The following UBAP2 variants were observed in gnomAD, a reference collection of about 807,000 sequenced individuals.
The protein encoded by UBAP2 is ubiquitin associated protein 2, also known as ubiquitin-associated protein 2.
Under a neutral mutation model 139.6 loss-of-function variants are expected in UBAP2, and 75 were observed. The observed-to-expected ratio is 0.54, with a 90% CI of 0.45 to 0.65. UBAP2 has a LOEUF of 0.65. UBAP2 is among the 30% of genes least tolerant of loss of function. The pLI is 0.00. For missense variants in UBAP2, 1,368 were observed against 1,369.6 expected, an observed-to-expected ratio of 1.00 and a Z score of 0.02; for synonymous variants, 526 against 526.2, an observed-to-expected ratio of 1.00 and a Z score of 0.01.
chr9:33,957,352 G>A (rs903914045), intron 10 of UBAP2, among the ~76,000 whole-genome samples: 5 of 152,018 alleles, frequency 3.3e-5, no homozygotes, highest in African/African-American at 7.3e-5. Context: ...CAATTAGGAC[G>A]GTGAACATAT....
chr9:34,036,624 C>T (rs1472039043), intron 1 of UBAP2, among the ~76,000 whole-genome samples: 1 of 152,134 alleles, frequency 6.6e-6, no homozygotes, highest in Non-Finnish European at 1.5e-5. Flanking sequence ...CTACATTATT[C>T]ATCTGTATTC....
chr9:33,965,917 C>T (rs1482271460), intron 8 of UBAP2, among the ~76,000 whole-genome samples: 2 of 151,906 alleles, frequency 1.3e-5, no homozygotes, highest in South Asian at 2.1e-4. Context: ...GGTGTGGTGG[C>T]GGGTGCCTGT....
chr9:33,921,879 T>TTA lies in UBAP2; in HGVS notation c.*624_*625insTA, dbSNP rs1822912233. ...TTTTTCATGGTCAGCCAGTCTCTAGTAAGTCTCTAGGGACATGACCAGACC... is the reference window on the plus strand; with the variant it reads ...TTTTTCATGGTCAGCCAGTCTCTAGTTAAAGTCTCTAGGGACATGACCAGACC... On this transcript the variant is annotated 3_prime_UTR_variant, in exon 29 of 29. Coordinates refer to ENST00000379238, the MANE Select transcript of UBAP2 (RefSeq NM_001370062.2). 1.3e-5 allele frequency: 2 copies of TTA among 152,078 alleles called. No individual in the cohort carries two copies. The allele number at this position is 152,078 out of a possible 1,614,324, so 9.4% of individuals were successfully genotyped here.
chr9:34,039,920 A>G (rs932160668), intron 1 of UBAP2, among the ~76,000 whole-genome samples: 1 of 146,970 alleles, frequency 6.8e-6, no homozygotes, highest in Non-Finnish European at 1.5e-5. Flanking sequence ...GCACTTTGGG[A>G]GGCCGAGGCG....
intron 2 of UBAP2, among the ~76,000 whole-genome samples, chr9:34,000,679 TTA>T (rs202180819): frequency 9.1e-4 from 139 of 152,316 alleles, no homozygotes; most frequent in African/African-American, 3.2e-3. Context: ...TAAACAGCTT[TTA>T]TTCTGAGTTT....
chr9:33,932,423 A>G, intron 19 of UBAP2, 139 bp downstream of exon 19: 1 of 965,724 alleles, frequency 1.0e-6, no homozygotes, highest in Non-Finnish European at 1.5e-6. Context: ...CTCGAACCAG[A>G]TCATGCCATC....
intron 16 of UBAP2, among the ~76,000 whole-genome samples, chr9:33,938,213 T>G (rs957125372): frequency 4.6e-5 from 7 of 152,084 alleles, no homozygotes; most frequent in Non-Finnish European, 1.0e-4. Flanking sequence ...AGTCTGGTTG[T>G]GAACTCCTGG....
intron 8 of UBAP2, among the ~76,000 whole-genome samples, chr9:33,969,918 A>ATTTTT: frequency 7.9e-6 from 1 of 125,852 alleles, no homozygotes; most frequent in African/African-American, 3.1e-5. Flanking sequence ...ACCGTGTATA[A>ATTTTT]TTCTTTTTTT....
At chr9:33,985,404 A>T (rs1248734051) in intron 6 of UBAP2, among the ~76,000 whole-genome samples, 1 of 152,236 alleles carries the variant, frequency 6.6e-6, no homozygotes, top group Non-Finnish European at 1.5e-5. Context: ...ATTCACAAAT[A>T]TAGAGAATCA....
intron 4 of UBAP2, among the ~76,000 whole-genome samples, chr9:33,992,063 C>T (rs1821753986): frequency 6.6e-6 from 1 of 152,056 alleles, no homozygotes; most frequent in African/African-American, 2.4e-5. Flanking sequence ...ACCACCCTGG[C>T]CAACATGGTG....
At chr9:34,003,458 G>A (rs901833341) in intron 2 of UBAP2, among the ~76,000 whole-genome samples, 16 of 144,556 alleles carry the variant, frequency 1.1e-4, no homozygotes, top group Non-Finnish European at 2.2e-4. Context: ...TGCAACCTCC[G>A]CCTCCCAGGT....
chr9:33,966,639 T>A (rs1827480598), intron 8 of UBAP2, among the ~76,000 whole-genome samples: 1 of 152,162 alleles, frequency 6.6e-6, no homozygotes, highest in Non-Finnish European at 1.5e-5. Context: ...TTTCCCAACA[T>A]GTTGCATAAT....
intron 8 of UBAP2, among the ~76,000 whole-genome samples, chr9:33,964,047 C>G (rs1435402670): frequency 6.6e-6 from 1 of 152,212 alleles, no homozygotes; most frequent in African/African-American, 2.4e-5. Context: ...CCTTCTCACT[C>G]ATCAAAGAGA....
intron 4 of UBAP2, among the ~76,000 whole-genome samples, chr9:33,991,769 C>T (rs779405055): frequency 1.4e-4 from 22 of 152,120 alleles, no homozygotes; most frequent in Non-Finnish European, 2.8e-4. Flanking sequence ...AGAATCCAGT[C>T]CTCTTAGGTT....
intron 8 of UBAP2, chr9:33,968,293 C>A (rs1827624805): frequency 4.9e-6 from 3 of 609,504 alleles, no homozygotes; most frequent in Non-Finnish European, 9.6e-6. Context: ...TTACTCTGTA[C>A]ACCAAGAAAG....
intron 1 of UBAP2, among the ~76,000 whole-genome samples, chr9:34,020,410 C>T (rs1824830130): frequency 6.6e-6 from 1 of 151,736 alleles, no homozygotes; most frequent in African/African-American, 2.4e-5. Context: ...CTGCAACCTC[C>T]ACCTTCTGGG....
At chr9:34,041,203 G>C (rs960452072) in intron 1 of UBAP2, among the ~76,000 whole-genome samples, 1 of 151,690 alleles carries the variant, frequency 6.6e-6, no homozygotes, top group African/African-American at 2.4e-5. Flanking sequence ...CTGTAATCCC[G>C]GCACTTTGGG....
chr9:34,044,245 C>T (rs1002305645), intron 1 of UBAP2, among the ~76,000 whole-genome samples: 5 of 151,546 alleles, frequency 3.3e-5, no homozygotes, highest in African/African-American at 1.2e-4. Context: ...ACTAAAAATA[C>T]AAAAAATTAG....
At chr9:33,934,974 T>G (rs1399819663) in intron 17 of UBAP2, among the ~76,000 whole-genome samples, 1 of 152,174 alleles carries the variant, frequency 6.6e-6, no homozygotes, top group Non-Finnish European at 1.5e-5. Context: ...TCGGTCTGCT[T>G]AAGTTCAATA....
Sources: gnomAD v4.1 joint callset for allele counts (sites outside exome capture counted in the v4.1 genomes callset) on GRCh38, gnomAD v4.1.1 for gene constraint, MANE v1.5 for transcripts, NCBI Gene and HGNC (gene_info 2026-07-23, HGNC 2026-07-21) for gene names.